The following BRAP variants were observed in gnomAD, a reference collection of about 807,000 sequenced individuals.
BRAP encodes BRCA1 associated protein, also known as BRCA1-associated protein.
Under a neutral mutation model 73.4 loss-of-function variants are expected in BRAP, and 42 were observed. That is an observed-to-expected ratio of 0.57 (90% CI 0.45 to 0.74). The LOEUF (loss-of-function observed/expected upper bound fraction) is 0.74, where lower values mean the gene tolerates loss of function less well. Among genes scored for constraint, BRAP ranks in the 30% least tolerant of loss-of-function variants. The pLI, the probability that BRAP is intolerant of heterozygous loss-of-function variation, is 0.00. For missense variants in BRAP, 593 were observed against 751.4 expected (o/e 0.79, Z 2.46); for synonymous variants, 255 against 267.4 (o/e 0.95, Z 0.45).
rs1566131381 is a variant in BRAP at position 111,681,658 on chromosome 12, A to G, written c.422T>C (p.Ile141Thr). Reference sequence around the variant, plus strand: ...TTACTTTGTCTTATATAGGTGCATAATACCATGAACTATTTCAACTGATGG... The same window carrying G: ...TTACTTTGTCTTATATAGGTGCATAGTACCATGAACTATTTCAACTGATGG... ...GNPSVEIVHG[I>T]MHLYKTNKMT... Residue 141 changes from isoleucine (I) to threonine (T), a missense_variant, in exon 3 of 12, where the codon ATT becomes ACT. Physicochemically the swap from Ile to Thr is moderately conservative, Grantham distance 89. This residue lies in a region of BRAP where 304 missense variants were observed against 337.7 expected (regional missense o/e 0.90). Coordinates refer to ENST00000419234, the MANE Select transcript of BRAP (RefSeq NM_006768.5). 1 of 1,613,792 alleles carries G rather than the reference A, an allele frequency of 6.2e-7. No homozygotes were observed. Among genetic ancestry groups the G allele is most frequent in the Non-Finnish European group, 8.5e-7 (1 of 1,179,786 alleles).
intron 2 of BRAP, among the ~76,000 whole-genome samples, chr12:111,682,767 C>T (rs1234357530): frequency 6.6e-6 from 1 of 151,852 alleles, no homozygotes; most frequent in African/African-American, 2.4e-5. Context: ...CAAAAATTAC[C>T]CAGGCGTGGT....
intron 10 of BRAP, among the ~76,000 whole-genome samples, chr12:111,651,268 G>A (rs1886312904): frequency 3.3e-5 from 5 of 151,534 alleles, no homozygotes; most frequent in Admixed American, 3.3e-4. Flanking sequence ...GGCCGGGCAT[G>A]ATGGCTCACG....
chr12:111,659,396 G>C (rs1274186269), intron 7 of BRAP, 51 bp from the exon 8 acceptor site: 2 of 1,557,380 alleles, frequency 1.3e-6, no homozygotes. Context: ...AAATGATCTG[G>C]CTGGGCGCGA....
chr12:111,672,243 T>C (rs1027139181), intron 5 of BRAP, among the ~76,000 whole-genome samples: 1 of 152,092 alleles, frequency 6.6e-6, no homozygotes, highest in Non-Finnish European at 1.5e-5. Context: ...GAGTTAATAT[T>C]GAAAACAAAA....
intron 11 of BRAP, among the ~76,000 whole-genome samples, chr12:111,649,647 AAAG>A (rs1207336829): frequency 1.3e-5 from 2 of 152,264 alleles, no homozygotes. Context: ...ACAATGGCTC[AAAG>A]AAGCCGAAGG....
At chr12:111,681,180 C>T (rs563761084) in intron 3 of BRAP, among the ~76,000 whole-genome samples, 9 of 151,984 alleles carry the variant, frequency 5.9e-5, no homozygotes, top group Admixed American at 1.3e-4. Context: ...ACCAGCCTGG[C>T]CAACAGGGTG....
At chr12:111,670,341 A>C (rs1023406921) in intron 5 of BRAP, 47 of 477,752 alleles carry the variant, frequency 9.8e-5, no homozygotes, top group Non-Finnish European at 1.9e-4. Context: ...GCTCGCTGAG[A>C]CTTTTCAGCC....
At chr12:111,682,403 G>C (rs180680568) in intron 2 of BRAP, among the ~76,000 whole-genome samples, 25 of 147,876 alleles carry the variant, frequency 1.7e-4, no homozygotes, top group Non-Finnish European at 2.7e-4. Flanking sequence ...GAGGCTGAGA[G>C]AGGAAGGAGA....
chr12:111,656,018 C>T (rs1266677636), intron 9 of BRAP, among the ~76,000 whole-genome samples: 1 of 152,234 alleles, frequency 6.6e-6, no homozygotes, highest in Non-Finnish European at 1.5e-5. Flanking sequence ...CCAACCAGCA[C>T]TTGAGTCAGG....
Position 111,685,862 on chromosome 12 carries a change from G to A in BRAP, c.-70C>T. ...GCTGGAAGGCGAGCCGAGAGGCCGAGCGGCCCGGGGCCGGCAGCGCCGCCA... is the reference window on the plus strand; with the variant it reads ...GCTGGAAGGCGAGCCGAGAGGCCGAACGGCCCGGGGCCGGCAGCGCCGCCA... On this transcript the variant is annotated 5_prime_UTR_variant, in exon 1 of 12. Transcript: ENST00000419234. 1 of 1,193,240 alleles carries A rather than the reference G, an allele frequency of 8.4e-7. No homozygotes were observed. The highest frequency in any genetic ancestry group is 1.1e-6 in the Non-Finnish European group (1 of 918,102). The allele number at this position is 1,193,240 out of a possible 1,614,324, so 73.9% of individuals were successfully genotyped here.
chr12:111,647,703 C>A (rs1340267167), intron 11 of BRAP, among the ~76,000 whole-genome samples: 1 of 151,984 alleles, frequency 6.6e-6, no homozygotes, highest in Non-Finnish European at 1.5e-5. Context: ...TGAGACCAGA[C>A]TGACCAACAT....
chr12:111,683,268 A>C lies in BRAP; in HGVS notation c.122T>G (p.Leu41Arg), dbSNP rs1887674379. 6.2e-7 allele frequency: 1 copy of C among 1,613,078 alleles called. No individual in the cohort carries two copies. ...MSDEEIKKTT[L>R]ASAVACLEGK... Reference sequence around the variant, plus strand: ...TTCTAAACAGGCTACAGCTGAGGCTAGTGTCGTCTTTTTTATCTCCTCATC... The same window carrying C: ...TTCTAAACAGGCTACAGCTGAGGCTCGTGTCGTCTTTTTTATCTCCTCATC... The change falls in exon 2 of 12, where the codon CTA becomes CGA. Residue 41 changes from leucine (L) to arginine (R), a missense_variant. Around this residue, in one of 4 missense-constraint regions of BRAP, gnomAD observed 304 missense variants for 337.7 expected, o/e 0.90. Coordinates refer to ENST00000419234, the MANE Select transcript of BRAP (RefSeq NM_006768.5).
chr12:111,685,563 T>G, intron 1 of BRAP, 148 bp downstream of exon 1: 2 of 1,353,152 alleles, frequency 1.5e-6, no homozygotes, highest in Non-Finnish European at 1.9e-6. Context: ...CAAAGGCGGA[T>G]GGGAAAGAGA....
At chr12:111,646,556 C>T (rs964346328) in intron 11 of BRAP, among the ~76,000 whole-genome samples, 3 of 152,056 alleles carry the variant, frequency 2.0e-5, no homozygotes, top group Non-Finnish European at 4.4e-5. Flanking sequence ...GGGTGGATCA[C>T]GAGATCAGGA....
At chr12:111,680,534 CAA>C (rs11336940) in intron 3 of BRAP, among the ~76,000 whole-genome samples, 89 of 130,088 alleles carry the variant, frequency 6.8e-4, no homozygotes, top group East Asian at 8.7e-4. Flanking sequence ...CCATCTCTGC[CAA>C]AAAAAAAAAA....
chr12:111,655,469 T>TC, intron 10 of BRAP, 97 bp downstream of exon 10: 1 of 970,872 alleles, frequency 1.0e-6, no homozygotes, highest in Non-Finnish European at 1.6e-6. Context: ...GGGAAGATGG[T>TC]AAGATTCCTC....
chr12:111,656,632 C>A (rs541027365), intron 9 of BRAP, among the ~76,000 whole-genome samples: 30 of 152,304 alleles, frequency 2.0e-4, no homozygotes, highest in Admixed American at 1.2e-3. Flanking sequence ...AGAAGAACAC[C>A]TATGCTACTG....
intron 4 of BRAP, among the ~76,000 whole-genome samples, chr12:111,673,836 A>C (rs1309070314): frequency 6.6e-6 from 1 of 152,222 alleles, no homozygotes; most frequent in Non-Finnish European, 1.5e-5. Flanking sequence ...CAAAGCTGCA[A>C]AGGCACATGT....
At chr12:111,647,511 T>A (rs936609153) in intron 11 of BRAP, among the ~76,000 whole-genome samples, 1 of 152,194 alleles carries the variant, frequency 6.6e-6, no homozygotes, top group Non-Finnish European at 1.5e-5. Context: ...TGGTTAATAA[T>A]GGTTAACACT....
Sources: allele counts gnomAD v4.1 joint callset (sites outside exome capture counted in the v4.1 genomes callset), GRCh38; gene constraint gnomAD v4.1.1; regional missense constraint gnomAD v4.1.1; transcripts MANE v1.5; gene names NCBI Gene and HGNC (gene_info 2026-07-23, HGNC 2026-07-21).